The following FBXL13 variants were observed in gnomAD, a reference collection of about 807,000 sequenced individuals.
FBXL13 encodes the protein F-box and leucine-rich repeat protein 13.
A neutral mutation model predicts 83.6 loss-of-function variants in FBXL13; 67 were observed. The ratio of observed to expected loss-of-function variants is 0.80; its 90% confidence interval spans 0.66 to 0.98. The LOEUF (loss-of-function observed/expected upper bound fraction) is 0.98, where lower values mean the gene tolerates loss of function less well. Ranked by LOEUF, FBXL13 falls within the 50% of genes least tolerant of loss-of-function variation. FBXL13 has a pLI of 0.00. For synonymous variants in FBXL13, 272 were observed against 299.5 expected (o/e 0.91, Z 0.95); for missense variants, 822 against 866.5 (o/e 0.95, Z 0.64).
intron 19 of FBXL13, among the ~76,000 whole-genome samples, chr7:102,815,150 T>G (rs1157264543): frequency 3.3e-5 from 5 of 152,112 alleles, no homozygotes; most frequent in Admixed American, 3.3e-4. Flanking sequence ...CTAAACATTA[T>G]CCATTTTTCA....
intron 1 of FBXL13, among the ~76,000 whole-genome samples, chr7:103,059,511 G>C (rs1198445948): frequency 6.6e-6 from 1 of 152,114 alleles, no homozygotes; most frequent in Middle Eastern, 3.4e-3. Flanking sequence ...TAAGATTAAC[G>C]TTTGACTCTC....
chr7:102,891,227 G>A (rs562118277), intron 11 of FBXL13, among the ~76,000 whole-genome samples: 1 of 152,240 alleles, frequency 6.6e-6, no homozygotes, highest in East Asian at 1.9e-4. Context: ...AGATGATCCT[G>A]TATTGTCTAG....
chr7:102,910,052 G>A (rs1814396233), intron 11 of FBXL13, among the ~76,000 whole-genome samples: 2 of 152,194 alleles, frequency 1.3e-5, no homozygotes, highest in African/African-American at 4.8e-5. Context: ...GAGGTTTGTA[G>A]AACTCAAGTT....
chr7:102,813,409 G>T lies in FBXL13; in HGVS notation c.2141C>A (p.Ser714Ter), dbSNP rs368918406. The T allele has an allele frequency of 2.5e-6, 4 of 1,614,136 alleles. No homozygotes were observed. The African/African-American group carries it at 4.0e-5, about 16-fold the overall frequency. The stretch of plus-strand genomic sequence containing the variant: ...TGTTAATTCTAAGGCTCCTTTAGAT[G>T]ATGTTATGTTGTCAAGCTCTGTAAC... The change falls in exon 20 of 20, where the codon TCA becomes TAA. Residue 714 changes from serine to a stop codon, truncating the protein, a stop_gained. Transcript: ENST00000313221. LOFTEE classifies it low-confidence loss of function (END_TRUNC).
At chr7:102,953,750 A>G (rs901181680) in intron 8 of FBXL13, among the ~76,000 whole-genome samples, 8 of 152,210 alleles carry the variant, frequency 5.3e-5, no homozygotes, top group African/African-American at 1.9e-4. Flanking sequence ...TCAGAAACTC[A>G]TTCCACTGTT....
chr7:102,925,754 C>A (rs542391216), intron 10 of FBXL13, among the ~76,000 whole-genome samples: 12 of 152,146 alleles, frequency 7.9e-5, no homozygotes, highest in African/African-American at 2.6e-4. Flanking sequence ...CCAGCCTGAC[C>A]AACATGGAGA....
downstream of FBXL13, among the ~76,000 whole-genome samples, chr7:102,812,843 T>C (rs1056241052): frequency 1.4e-4 from 20 of 144,146 alleles, no homozygotes; most frequent in Admixed American, 5.4e-4. Flanking sequence ...TTGGCTTCTT[T>C]TTTTTTTTTT....
At chr7:103,016,390 C>T (rs902532909) in intron 6 of FBXL13, among the ~76,000 whole-genome samples, 17 of 151,880 alleles carry the variant, frequency 1.1e-4, no homozygotes, top group South Asian at 6.3e-4. Context: ...GGGTGAGTGA[C>T]GCAGAAGACG....
At chr7:102,860,246 C>T (rs1447876986) in intron 16 of FBXL13, among the ~76,000 whole-genome samples, 1 of 152,096 alleles carries the variant, frequency 6.6e-6, no homozygotes, top group Non-Finnish European at 1.5e-5. Flanking sequence ...TCATTCTCTA[C>T]AGAAAGAATG....
chr7:102,870,015 T>C (rs985582684), intron 16 of FBXL13, among the ~76,000 whole-genome samples: 6 of 152,254 alleles, frequency 3.9e-5, no homozygotes, highest in Non-Finnish European at 7.3e-5. Flanking sequence ...TATTCTAGTA[T>C]AGTATTTAGT....
At chr7:102,902,720 GA>G (rs1490140114) in intron 11 of FBXL13, among the ~76,000 whole-genome samples, 1 of 152,098 alleles carries the variant, frequency 6.6e-6, no homozygotes, top group African/African-American at 2.4e-5. Flanking sequence ...CACCTTTGCT[GA>G]AAATGAGTCC....
At chr7:102,942,204 A>C in intron 8 of FBXL13, 1 of 1,016,174 alleles carries the variant, frequency 9.8e-7, no homozygotes, top group Non-Finnish European at 1.5e-6. Context: ...CTAGAACAAA[A>C]GTTCTTTTGA....
chr7:102,944,118 G>A, intron 8 of FBXL13: 1 of 952,982 alleles, frequency 1.0e-6, no homozygotes, highest in Non-Finnish European at 1.5e-6. Flanking sequence ...GGAAAATTAA[G>A]CCTCTTTTTA....
intron 18 of FBXL13, among the ~76,000 whole-genome samples, chr7:102,828,845 C>A (rs1403809530): frequency 6.6e-6 from 1 of 152,180 alleles, no homozygotes; most frequent in East Asian, 1.9e-4. Context: ...GGGAGAGCAG[C>A]CAGGCTTTGT....
At position 103,066,791 on chromosome 7, in the gene FBXL13, A is replaced by C. The variant is rs1428143244; in HGVS notation, c.-105+7455T>G. 8.0e-5 allele frequency among the ~76,000 whole-genome samples: 11 copies of C among 137,678 alleles called. No homozygotes were observed. In the East Asian group the frequency reaches 1.5e-3, roughly 18 times the overall value. The allele number at this position is 137,678 out of a possible 152,430, so 90.3% of individuals were successfully genotyped here. On this transcript the variant is annotated intron_variant, in intron 1 of 19. Coordinates refer to ENST00000313221, the Ensembl canonical transcript of FBXL13. ...TATTCAGTGGAAGAATTTTGTGAGG[A>C]TTTTTTTTTTTTTTTTTGAGATGGA...
In FBXL13 at chr7:102,976,204, A is replaced by C. The variant is rs368901825; in HGVS notation, c.496-8087T>G. On this transcript the variant is annotated intron_variant, in intron 6 of 19. Coordinates refer to ENST00000313221, the Ensembl canonical transcript of FBXL13. ...CCAGCAACTACCATCGCTTCATCTG[A>C]GCCAAGGGTAACCCTGATGGTGGCA... 8 of 760,944 alleles carry C rather than the reference A, an allele frequency of 1.1e-5. No individual in the cohort carries two copies. In the African/African-American group the frequency reaches 1.4e-4, roughly 13 times the overall value. The allele number at this position is 760,944 out of a possible 1,614,324, so 47.1% of individuals were successfully genotyped here. A position where few individuals can be genotyped will look rare whatever the true frequency, so the allele number is the denominator to read the frequency against.
chr7:102,974,314 C>T (rs1343597196), intron 6 of FBXL13, among the ~76,000 whole-genome samples: 4 of 151,980 alleles, frequency 2.6e-5, no homozygotes, highest in Admixed American at 6.6e-5. Context: ...GGTGTGAACC[C>T]GGGAGGCAGA....
intron 1 of FBXL13, among the ~76,000 whole-genome samples, chr7:103,060,307 A>G (rs936029240): frequency 6.6e-6 from 1 of 151,826 alleles, no homozygotes; most frequent in Admixed American, 6.6e-5. Context: ...CCTTCCTCTC[A>G]GCCTCCCAAA....
chr7:103,042,423 T>C (rs886840985), intron 2 of FBXL13, among the ~76,000 whole-genome samples: 1 of 152,128 alleles, frequency 6.6e-6, no homozygotes. Flanking sequence ...GATTCAATGC[T>C]ATCCCCATCA....
Sources: gnomAD v4.1 joint callset for allele counts (sites outside exome capture counted in the v4.1 genomes callset) on GRCh38, gnomAD v4.1.1 for gene constraint, MANE v1.5 for transcripts, NCBI Gene and HGNC (gene_info 2026-07-23, HGNC 2026-07-21) for gene names.